PLD5: variants seen among roughly 807,000 people sequenced by gnomAD.
PLD5 encodes the protein inactive phospholipase D5.
PLD5 carries 36 observed loss-of-function variants against 61.1 expected under a neutral mutation model. The observed-to-expected ratio is 0.59, with a 90% confidence interval of 0.45 to 0.78. The LOEUF (loss-of-function observed/expected upper bound fraction) is 0.78. Ranked by LOEUF, PLD5 falls within the 30% of genes least tolerant of loss-of-function variation. The pLI, the probability that PLD5 is intolerant of heterozygous loss-of-function variation, is 0.00. For missense variants in PLD5, 515 were observed against 644.4 expected (o/e 0.80, Z 2.17); for synonymous variants, 243 against 242.8 (o/e 1.00, Z -0.01).
At chr1:242,117,753 G>C (rs59647583) in intron 6 of PLD5, among the ~76,000 whole-genome samples, 5,762 of 152,122 alleles carry the variant, frequency 0.038, 355 homozygotes, top group African/African-American at 0.13. Context: ...TATTTCTTTT[G>C]CTTTTTTCTT....
chr1:242,438,445 T>C (rs1237450616), intron 1 of PLD5, among the ~76,000 whole-genome samples: 13 of 138,126 alleles, frequency 9.4e-5, no homozygotes, highest in South Asian at 2.4e-4. Context: ...TTTTCTTTTT[T>C]TTTTTTTTTT....
intron 1 of PLD5, among the ~76,000 whole-genome samples, chr1:242,493,503 C>T (rs560638846): frequency 2.0e-5 from 3 of 152,186 alleles, no homozygotes; most frequent in African/African-American, 4.8e-5. Context: ...AAATGAGACA[C>T]CTTTGGCAGG....
intron 5 of PLD5, among the ~76,000 whole-genome samples, chr1:242,168,877 A>G (rs1182728752): frequency 2.1e-4 from 17 of 81,588 alleles, no homozygotes; most frequent in African/African-American, 8.5e-4. Context: ...ACCACCCCCC[A>G]TGATTCCATT....
chr1:242,220,874 T>A (rs1670543571), intron 4 of PLD5, among the ~76,000 whole-genome samples: 1 of 152,000 alleles, frequency 6.6e-6, no homozygotes, highest in African/African-American at 2.4e-5. Context: ...GTAGCTGGGA[T>A]TACAGGCATG....
intron 5 of PLD5, among the ~76,000 whole-genome samples, chr1:242,177,227 A>G (rs1558308972): frequency 6.6e-6 from 1 of 152,224 alleles, no homozygotes; most frequent in East Asian, 1.9e-4. Context: ...ATGGAATACT[A>G]TGGAGCCATA....
intron 2 of PLD5, among the ~76,000 whole-genome samples, chr1:242,328,796 C>T (rs1427290166): frequency 2.0e-5 from 3 of 152,164 alleles, no homozygotes; most frequent in Non-Finnish European, 4.4e-5. Flanking sequence ...ATCAACCTGC[C>T]ACCCAACCAG....
At chr1:242,523,314 T>C (rs1465254255) in intron 1 of PLD5, among the ~76,000 whole-genome samples, 1 of 152,110 alleles carries the variant, frequency 6.6e-6, no homozygotes, top group Non-Finnish European at 1.5e-5. Context: ...AATTTGAAAC[T>C]GTGGATCCAC....
intron 1 of PLD5, among the ~76,000 whole-genome samples, chr1:242,481,234 C>T (rs1667764150): frequency 6.6e-6 from 1 of 152,138 alleles, no homozygotes; most frequent in Non-Finnish European, 1.5e-5. Context: ...GTGCAGCGCA[C>T]CAAACTTGAG....
intron 1 of PLD5, among the ~76,000 whole-genome samples, chr1:242,413,851 A>G (rs1008929069): frequency 6.6e-6 from 1 of 152,330 alleles, no homozygotes. Context: ...GCTAAAGGCT[A>G]ATTTATGAGG....
chr1:242,479,236 A>G (rs1290429120), intron 1 of PLD5, among the ~76,000 whole-genome samples: 1 of 152,202 alleles, frequency 6.6e-6, no homozygotes, highest in Non-Finnish European at 1.5e-5. Flanking sequence ...AGGTATAGAG[A>G]GGTAAACTTT....
chr1:242,506,202 A>T (rs935784376), intron 1 of PLD5, among the ~76,000 whole-genome samples: 1 of 152,148 alleles, frequency 6.6e-6, no homozygotes, highest in Non-Finnish European at 1.5e-5. Context: ...TGCTGCATGG[A>T]TGATGAACCA....
intron 8 of PLD5, 103 bp downstream of exon 8, chr1:242,107,568 G>T (rs1661162355): frequency 8.9e-7 from 1 of 1,129,780 alleles, no homozygotes. Flanking sequence ...TTGCCGTCCT[G>T]GTTCTTACTG....
chr1:242,487,478 G>A (rs2102971253), intron 1 of PLD5, among the ~76,000 whole-genome samples: 1 of 152,278 alleles, frequency 6.6e-6, no homozygotes, highest in South Asian at 2.1e-4. Flanking sequence ...GTGACCTTGG[G>A]TTTGGTGATG....
At chr1:242,392,909 A>G (rs1392639829) in intron 1 of PLD5, among the ~76,000 whole-genome samples, 5 of 152,046 alleles carry the variant, frequency 3.3e-5, no homozygotes, top group Non-Finnish European at 7.4e-5. Context: ...GTAAGCAATA[A>G]AAGTATTTTT....
intron 5 of PLD5, among the ~76,000 whole-genome samples, chr1:242,212,001 G>A (rs905882429): frequency 6.6e-6 from 1 of 152,206 alleles, no homozygotes; most frequent in Non-Finnish European, 1.5e-5. Flanking sequence ...AACAAGTGGG[G>A]AGAAATCTTA....
intron 2 of PLD5, among the ~76,000 whole-genome samples, chr1:242,291,181 A>C (rs1356270811): frequency 6.6e-6 from 1 of 151,966 alleles, no homozygotes; most frequent in Non-Finnish European, 1.5e-5. Context: ...GCCATCTCCC[A>C]GTTAACCTTT....
intron 5 of PLD5, among the ~76,000 whole-genome samples, chr1:242,169,742 T>C (rs1666602853): frequency 6.6e-6 from 1 of 152,180 alleles, no homozygotes; most frequent in Admixed American, 6.5e-5. Flanking sequence ...TCCAGCTTCG[T>C]TGTGGGAGGG....
intron 5 of PLD5, among the ~76,000 whole-genome samples, chr1:242,181,218 C>T (rs1433281893): frequency 2.6e-5 from 4 of 152,170 alleles, no homozygotes; most frequent in Non-Finnish European, 4.4e-5. Flanking sequence ...GCATTTCTAA[C>T]AAGCTCTCAA....
At chr1:242,244,667 G>A (rs527840981) in intron 4 of PLD5, among the ~76,000 whole-genome samples, 1 of 152,324 alleles carries the variant, frequency 6.6e-6, no homozygotes, top group African/African-American at 2.4e-5. Flanking sequence ...TCCTTACGGA[G>A]AATGCACTGC....
Sources: gnomAD v4.1 joint callset for allele counts (sites outside exome capture counted in the v4.1 genomes callset) on GRCh38, gnomAD v4.1.1 for gene constraint, MANE v1.5 for transcripts, NCBI Gene and HGNC (gene_info 2026-07-23, HGNC 2026-07-21) for gene names.